Variants in ADAMTS16 observed in about 807,000 individuals in gnomAD.
The protein encoded by ADAMTS16 is A disintegrin and metalloproteinase with thrombospondin motifs 16.
In ADAMTS16, 94 loss-of-function variants were observed where a neutral mutation model predicts 145.8. The ratio of observed to expected loss-of-function variants is 0.64; its 90% CI spans 0.55 to 0.77. ADAMTS16 has a LOEUF of 0.77. Among genes scored for constraint, ADAMTS16 ranks in the 30% least tolerant of loss-of-function variants. The pLI, the probability that ADAMTS16 is intolerant of heterozygous loss-of-function variation, is 0.00. For missense variants in ADAMTS16, 1,585 were observed against 1,591.5 expected (o/e 1.00, Z 0.07); for synonymous variants, 659 against 604.3 (o/e 1.09, Z -1.33).
At chr5:5,143,358 G>A (rs1172250395) in intron 2 of ADAMTS16, among the ~76,000 whole-genome samples, 1 of 152,130 alleles carries the variant, frequency 6.6e-6, no homozygotes, top group Non-Finnish European at 1.5e-5. Context: ...CATTTATGCG[G>A]CCAACAAACA....
chr5:5,187,420 G>A (rs1227543903), intron 5 of ADAMTS16, among the ~76,000 whole-genome samples: 1 of 152,190 alleles, frequency 6.6e-6, no homozygotes, highest in East Asian at 1.9e-4. Context: ...AGCTTGAGAA[G>A]TGATTGGCTT....
At chr5:5,305,632 G>T (rs149145145) in intron 20 of ADAMTS16, among the ~76,000 whole-genome samples, 1 of 152,074 alleles carries the variant, frequency 6.6e-6, no homozygotes, top group African/African-American at 2.4e-5. Context: ...CTCCATCTTC[G>T]ATCAGGATGC....
At chr5:5,154,678 C>G (rs774841849) in intron 3 of ADAMTS16, among the ~76,000 whole-genome samples, 6 of 152,196 alleles carry the variant, frequency 3.9e-5, no homozygotes, top group African/African-American at 1.4e-4. Flanking sequence ...GTCTAGGGTG[C>G]GTGTCTTCAG....
At chr5:5,167,875 C>T (rs912573738) in intron 3 of ADAMTS16, among the ~76,000 whole-genome samples, 1 of 152,204 alleles carries the variant, frequency 6.6e-6, no homozygotes, top group African/African-American at 2.4e-5. Context: ...TTTATTTAAA[C>T]TTAAATTTGA....
chr5:5,262,522 G>T, intron 17 of ADAMTS16, 135 bp from the exon 18 acceptor site: 1 of 1,215,312 alleles, frequency 8.2e-7, no homozygotes, highest in Non-Finnish European at 1.1e-6. Flanking sequence ...TTAATAGTTG[G>T]CCAGTTGGTC....
intron 3 of ADAMTS16, among the ~76,000 whole-genome samples, chr5:5,179,071 A>G (rs1330344591): frequency 6.6e-6 from 1 of 151,300 alleles, no homozygotes; most frequent in African/African-American, 2.4e-5. Flanking sequence ...TCTTGTTTGA[A>G]TGTTCACTAG....
At chr5:5,294,006 C>T (rs6882619) in intron 18 of ADAMTS16, among the ~76,000 whole-genome samples, 25,890 of 152,132 alleles carry the variant, frequency 0.17, 2,352 homozygotes, top group Non-Finnish European at 0.2. Flanking sequence ...GTGTGAGCCC[C>T]GTGCCCTGGG....
intron 3 of ADAMTS16, among the ~76,000 whole-genome samples, chr5:5,167,644 T>A (rs942801815): frequency 6.6e-6 from 1 of 152,242 alleles, no homozygotes; most frequent in Non-Finnish European, 1.5e-5. Context: ...CTATGTGTGC[T>A]ACTTATACAG....
intron 11 of ADAMTS16, among the ~76,000 whole-genome samples, chr5:5,227,688 A>G (rs1300931285): frequency 6.6e-6 from 1 of 152,224 alleles, no homozygotes; most frequent in Non-Finnish European, 1.5e-5. Context: ...AAATAACAAA[A>G]GATGTAAAAA....
intron 17 of ADAMTS16, among the ~76,000 whole-genome samples, chr5:5,255,029 A>G (rs1434766973): frequency 1.3e-5 from 2 of 152,272 alleles, no homozygotes; most frequent in Admixed American, 6.5e-5. Flanking sequence ...ATTATTATGT[A>G]TGGTAATTGG....
chr5:5,208,990 A>T, intron 9 of ADAMTS16, 103 bp from the exon 10 acceptor site: 1 of 1,332,692 alleles, frequency 7.5e-7, no homozygotes, highest in Admixed American at 2.2e-5. Flanking sequence ...TGTATACACA[A>T]TATATGTTGT....
chr5:5,289,926 C>A (rs1172830145), intron 18 of ADAMTS16, among the ~76,000 whole-genome samples: 1 of 152,202 alleles, frequency 6.6e-6, no homozygotes, highest in Non-Finnish European at 1.5e-5. Context: ...TCTACATCAC[C>A]TTTCAATCAG....
chr5:5,265,569 G>A (rs1160859052), intron 18 of ADAMTS16, among the ~76,000 whole-genome samples: 1 of 152,224 alleles, frequency 6.6e-6, no homozygotes, highest in Non-Finnish European at 1.5e-5. Context: ...GGCACTTTAA[G>A]AGGGGCTGGG....
Position 5,277,990 on chromosome 5 carries a change from G to GA in ADAMTS16, c.2789+15215dup, listed in dbSNP as rs1189362217. On this transcript the variant is annotated intron_variant, in intron 18 of 22. Transcript: ENST00000274181. ...GAACAAGACTCTGTCTTAAAAAAAA[G>GA]AAAAAAAAGACTAAAGAGAAGTAAA... Among the ~76,000 whole-genome samples, 6 of 151,346 alleles carry GA rather than the reference G, an allele frequency of 4.0e-5. No individual in the cohort carries two copies. In the East Asian group the frequency reaches 5.8e-4, roughly 15 times the overall value.
chr5:5,205,256 T>C (rs1736066592), intron 9 of ADAMTS16, among the ~76,000 whole-genome samples: 2 of 152,012 alleles, frequency 1.3e-5, no homozygotes, highest in African/African-American at 4.8e-5. Context: ...ATTTTTTTAA[T>C]GGAATCCAAA....
At chr5:5,199,699 G>T (rs1261677181) in intron 8 of ADAMTS16, among the ~76,000 whole-genome samples, 3 of 152,132 alleles carry the variant, frequency 2.0e-5, no homozygotes, top group Admixed American at 2.0e-4. Flanking sequence ...CAAACGCCTG[G>T]ATCTCTCTTT....
chr5:5,275,864 ATT>A (rs35268868), intron 18 of ADAMTS16, among the ~76,000 whole-genome samples: 2,217 of 148,668 alleles, frequency 0.015, 60 homozygotes, highest in African/African-American at 0.048. Flanking sequence ...TGAAGAATCT[ATT>A]TTTTTTTTTT....
At chr5:5,177,642 A>G (rs1039407908) in intron 3 of ADAMTS16, among the ~76,000 whole-genome samples, 1 of 152,256 alleles carries the variant, frequency 6.6e-6, no homozygotes, top group South Asian at 2.1e-4. Flanking sequence ...AATAAAAAGC[A>G]AAGTTTCACT....
chr5:5,151,934 C>G (rs916500551), intron 3 of ADAMTS16, among the ~76,000 whole-genome samples: 1 of 152,128 alleles, frequency 6.6e-6, no homozygotes, highest in African/African-American at 2.4e-5. Context: ...AATCAATACT[C>G]TACTTGCTAC....
Sources: gnomAD v4.1 joint callset for allele counts (sites outside exome capture counted in the v4.1 genomes callset) on GRCh38, gnomAD v4.1.1 for gene constraint, MANE v1.5 for transcripts, NCBI Gene and HGNC (gene_info 2026-07-23, HGNC 2026-07-21) for gene names.